CREB5: variants seen among roughly 807,000 people sequenced by gnomAD.
CREB5 encodes the protein cAMP responsive element binding protein 5.
Under a neutral mutation model 57.1 loss-of-function variants are expected in CREB5, and 19 were observed. The observed-to-expected ratio is 0.33, with a 90% CI of 0.23 to 0.49. The LOEUF (loss-of-function observed/expected upper bound fraction) is 0.49, where lower values mean the gene tolerates loss of function less well. Ranked by LOEUF, CREB5 falls within the 20% of genes least tolerant of loss-of-function variation. The pLI, the probability that CREB5 is intolerant of heterozygous loss-of-function variation, is 0.99. For synonymous variants in CREB5, 238 were observed against 238.3 expected (o/e 1.00, Z 0.01); for missense variants, 579 against 671.6 (o/e 0.86, Z 1.52).
rs117481251 is a variant in CREB5, at chr7:28,750,290, G to A, written c.702+25958G>A. Among the ~76,000 whole-genome samples, 256 of 152,234 alleles carry A rather than the reference G, an allele frequency of 1.7e-3. No individual in the cohort carries two copies. In the Middle Eastern group the frequency reaches 0.017, roughly 10 times the overall value. On this transcript the variant is annotated intron_variant, in intron 7 of 10. Coordinates refer to ENST00000357727, the MANE Select transcript of CREB5 (RefSeq NM_182898.4). ...TCCATCCTGCCTCGCCCTTGGGGTC[G>A]TCACTGTCCTGAAGTTGGGGCTCAT...
chr7:28,400,621 C>G (rs1448097839), intron 1 of CREB5, among the ~76,000 whole-genome samples: 1 of 152,108 alleles, frequency 6.6e-6, no homozygotes, highest in Non-Finnish European at 1.5e-5. Context: ...TTTCTGATAT[C>G]CACAGTGGGT....
intron 1 of CREB5, among the ~76,000 whole-genome samples, chr7:28,436,798 C>T (rs1788981455): frequency 6.6e-6 from 1 of 151,974 alleles, no homozygotes; most frequent in Non-Finnish European, 1.5e-5. Context: ...GGGGACCAGC[C>T]CCACATTTCA....
rs779816771 is a variant in CREB5 at position 28,469,720 on chromosome 7, C to CA, written c.4-18453dup. 6.6e-5 allele frequency among the ~76,000 whole-genome samples: 10 copies of CA among 152,286 alleles called. No homozygotes were observed. In the East Asian group the frequency reaches 1.9e-3, roughly 29 times the overall value. The stretch of plus-strand genomic sequence containing the variant: ...CTTACCATGTGCCAGACACTGTTCT[C>CA]AATTGTTTACAGATGTTAACTCTTT... On this transcript the variant is annotated intron_variant, in intron 1 of 10. Transcript: ENST00000357727.
chr7:28,560,942 G>A (rs1413981282), intron 4 of CREB5, among the ~76,000 whole-genome samples: 2 of 38,698 alleles, frequency 5.2e-5, no homozygotes, highest in Non-Finnish European at 4.5e-5. Flanking sequence ...GTGTGCGTGC[G>A]TGTGTGTGCG....
At chr7:28,487,314 C>T (rs956518842) in intron 1 of CREB5, among the ~76,000 whole-genome samples, 2 of 152,256 alleles carry the variant, frequency 1.3e-5, no homozygotes, top group Middle Eastern at 3.4e-3. Context: ...CCAACATTAG[C>T]GATCCTCCTG....
At chr7:28,396,955 CTT>C (rs1210629515) in intron 1 of CREB5, among the ~76,000 whole-genome samples, 4 of 152,134 alleles carry the variant, frequency 2.6e-5, no homozygotes, top group Non-Finnish European at 5.9e-5. Flanking sequence ...ACCTGAGTCT[CTT>C]TTTATAAAGC....
chr7:28,495,256 G>C (rs2128599061), intron 3 of CREB5, among the ~76,000 whole-genome samples: 1 of 152,248 alleles, frequency 6.6e-6, no homozygotes, highest in Admixed American at 6.5e-5. Flanking sequence ...TCACATACCT[G>C]GCTGGGCGCT....
At chr7:28,435,071 T>C (rs960323860) in intron 1 of CREB5, among the ~76,000 whole-genome samples, 10 of 151,642 alleles carry the variant, frequency 6.6e-5, no homozygotes, top group Non-Finnish European at 1.0e-4. Flanking sequence ...AACACTGGAA[T>C]TATCACCTAG....
At chr7:28,802,698 C>T (rs1042160930) in intron 7 of CREB5, among the ~76,000 whole-genome samples, 1 of 152,238 alleles carries the variant, frequency 6.6e-6, no homozygotes, top group Non-Finnish European at 1.5e-5. Context: ...GACTGTGTCA[C>T]AGAAGAAACA....
intron 4 of CREB5, among the ~76,000 whole-genome samples, chr7:28,512,489 T>C (rs1172524748): frequency 1.3e-5 from 2 of 152,172 alleles, no homozygotes; most frequent in Non-Finnish European, 2.9e-5. Flanking sequence ...GCATGTTGAT[T>C]TTGTGTTCCA....
chr7:28,306,546 G>GTTTTTTTTTTTTTTTT (rs796910262), intron 1 of CREB5, among the ~76,000 whole-genome samples: 2 of 93,494 alleles, frequency 2.1e-5, no homozygotes, highest in Admixed American at 1.4e-4. Flanking sequence ...ATACAGTTTT[G>GTTTTTTTTTTTTTTTT]TTTTTTTTGT....
Position 28,741,998 on chromosome 7 carries a change from G to A in CREB5, c.702+17666G>A, listed in dbSNP as rs144080844. On this transcript the variant is annotated intron_variant, in intron 7 of 10. Coordinates refer to ENST00000357727, the MANE Select transcript of CREB5 (RefSeq NM_182898.4). ...GAAGAATTGCTTGAACCCGGGAGGC[G>A]GAGGTTGCAGTGAGCAGAGATCACA... 4.6e-3 allele frequency among the ~76,000 whole-genome samples: 687 copies of A among 150,226 alleles called. 7 individuals are homozygous for A. Among genetic ancestry groups the A allele is most frequent in the African/African-American group, 0.016 (658 of 40,694 alleles).
chr7:28,457,509 T>A (rs1037144351), intron 1 of CREB5, among the ~76,000 whole-genome samples: 1 of 152,126 alleles, frequency 6.6e-6, no homozygotes, highest in Non-Finnish European at 1.5e-5. Flanking sequence ...ATTTTAACAC[T>A]TAAAAAAATT....
At chr7:28,549,510 A>T (rs1006360719) in intron 4 of CREB5, among the ~76,000 whole-genome samples, 1 of 152,216 alleles carries the variant, frequency 6.6e-6, no homozygotes, top group African/African-American at 2.4e-5. Flanking sequence ...TTTAGTACCT[A>T]CACACCTCGC....
intron 1 of CREB5, among the ~76,000 whole-genome samples, chr7:28,399,219 T>A (rs867908962): frequency 1.9e-4 from 29 of 151,438 alleles, no homozygotes; most frequent in African/African-American, 6.5e-4. Context: ...TATATCGAAA[T>A]TTAAAAGTTC....
chr7:28,495,066 C>A, intron 3 of CREB5, 67 bp downstream of exon 3: 2 of 1,128,868 alleles, frequency 1.8e-6, no homozygotes, highest in Non-Finnish European at 2.5e-6. Flanking sequence ...ACTTGTTCTT[C>A]TTTTGGTAGG....
chr7:28,680,752 C>T (rs1044579340), intron 5 of CREB5, among the ~76,000 whole-genome samples: 6 of 144,226 alleles, frequency 4.2e-5, no homozygotes, highest in South Asian at 2.3e-4. Context: ...GAACAAGACA[C>T]TGTATCAACC....
At chr7:28,583,607 G>C (rs548857601) in intron 5 of CREB5, among the ~76,000 whole-genome samples, 2 of 152,308 alleles carry the variant, frequency 1.3e-5, no homozygotes, top group East Asian at 3.9e-4. Flanking sequence ...ACAGCACTGA[G>C]CTTCAAGAGG....
chr7:28,563,919 C>T (rs1190983238), intron 4 of CREB5, among the ~76,000 whole-genome samples: 2 of 152,136 alleles, frequency 1.3e-5, no homozygotes, highest in Non-Finnish European at 2.9e-5. Flanking sequence ...TCTGATACCT[C>T]ACTACCCCCT....
Sources: gnomAD v4.1 joint callset for allele counts (sites outside exome capture counted in the v4.1 genomes callset) on GRCh38, gnomAD v4.1.1 for gene constraint, MANE v1.5 for transcripts, NCBI Gene and HGNC (gene_info 2026-07-23, HGNC 2026-07-21) for gene names.